Variants in CSPP1 observed in about 807,000 individuals in gnomAD.
The protein encoded by CSPP1 is centrosome and spindle pole-associated protein 1.
In CSPP1, 126 loss-of-function variants were observed where a neutral mutation model predicts 164.4. The observed-to-expected ratio is 0.77, with a 90% CI of 0.66 to 0.89. The LOEUF is 0.89. CSPP1 is among the 40% of genes least tolerant of loss of function. The probability of loss-of-function intolerance (pLI) is 0.00; values close to 1 mark genes in which losing one functional copy is unlikely to be tolerated. For synonymous variants in CSPP1, 472 were observed against 476.7 expected (o/e 0.99, Z 0.13); for missense variants, 1,395 against 1,449.8 (o/e 0.96, Z 0.61).
At chr8:67,159,951 TTCCTTC>T (rs1327809388) in intron 21 of CSPP1, among the ~76,000 whole-genome samples, 22 of 34,772 alleles carry the variant, frequency 6.3e-4, no homozygotes, top group Middle Eastern at 0.017. Flanking sequence ...CCTTCCTTCC[TTCCTTC>T]TTTCTTTTCT....
Position 67,113,875 on chromosome 8 carries a change from G to A in CSPP1, c.1245+13G>A, listed in dbSNP as rs749324257. On this transcript the variant is annotated intron_variant, in intron 11 of 30. Transcript: ENST00000678616. ...CCCTGAGAAATCGGTAAGGGTTTCTGGCATCTTTTAATGTTTAATCTTTCA... is the reference window on the plus strand; with the variant it reads ...CCCTGAGAAATCGGTAAGGGTTTCTAGCATCTTTTAATGTTTAATCTTTCA... The A allele has an allele frequency of 6.6e-7, 1 of 1,523,812 alleles. No homozygotes were observed. Among genetic ancestry groups the A allele is most frequent in the Non-Finnish European group, 9.0e-7 (1 of 1,105,582 alleles). 94.4% of individuals were successfully genotyped at this position (1,523,812 alleles called of 1,614,324 possible). A position where few individuals can be genotyped will look rare whatever the true frequency, so the allele number is the denominator to read the frequency against.
chr8:67,067,911 G>A (rs1028738359), intron 1 of CSPP1, among the ~76,000 whole-genome samples: 1 of 148,126 alleles, frequency 6.8e-6, no homozygotes, highest in African/African-American at 2.5e-5. Flanking sequence ...GTACAGTGGC[G>A]TGATCTGGGC....
intron 9 of CSPP1, among the ~76,000 whole-genome samples, chr8:67,110,329 C>T (rs921060114): frequency 2.0e-5 from 3 of 152,024 alleles, no homozygotes; most frequent in Non-Finnish European, 4.4e-5. Flanking sequence ...TAGCTAAGGA[C>T]CTCTAGAGTA....
rs188738363 is a variant in CSPP1 at position 67,179,807 on chromosome 8, T to G, written c.3157-56T>G. ...CTTGTGCCTCTTCTTAGTATAAATT[T>G]GTTGTTTTTGTACACAAAACTAATA... On this transcript the variant is annotated intron_variant, in intron 27 of 30. Coordinates refer to ENST00000678616, the MANE Select transcript of CSPP1 (RefSeq NM_001382391.1). The G allele has an allele frequency of 5.7e-3, 6,807 of 1,192,720 alleles. 29 individuals carry two copies. The highest frequency in any genetic ancestry group is 7.3e-3 in the Non-Finnish European group (5,892 of 804,980). The allele number at this position is 1,192,720 out of a possible 1,614,324, so 73.9% of individuals were successfully genotyped here.
At chr8:67,106,557 T>C (rs1234537547) in intron 9 of CSPP1, among the ~76,000 whole-genome samples, 1 of 152,214 alleles carries the variant, frequency 6.6e-6, no homozygotes, top group Non-Finnish European at 1.5e-5. Flanking sequence ...AGGTGTTTTG[T>C]TCAAATCGTG....
At chr8:67,109,957 G>A (rs899674129) in intron 9 of CSPP1, among the ~76,000 whole-genome samples, 2 of 151,984 alleles carry the variant, frequency 1.3e-5, no homozygotes, top group Non-Finnish European at 2.9e-5. Flanking sequence ...CTGTGGGTAC[G>A]TCTTTAGGCA....
In CSPP1 at chr8:67,095,358, G is replaced by T; in HGVS notation, c.549G>T (p.Gln183His). 1 of 1,606,850 alleles carries T rather than the reference G, an allele frequency of 6.2e-7. No homozygotes were observed. Among genetic ancestry groups the T allele is most frequent in the Admixed American group, 1.7e-5 (1 of 58,296 alleles). Residue 183 changes from glutamine to histidine, a missense_variant, in exon 7 of 31, where the codon CAG becomes CAT. Gln to His is a conservative substitution (Grantham distance 24). Coordinates refer to ENST00000678616, the MANE Select transcript of CSPP1 (RefSeq NM_001382391.1). ...QVKPDLTSQI[Q>H]TSCENSEGPR... Reference sequence around the variant, plus strand: ...AGCCTGATCTAACTTCACAAATACAGACATCTTGTGAAAATTCAGAGGGTC... The same window carrying T: ...AGCCTGATCTAACTTCACAAATACATACATCTTGTGAAAATTCAGAGGGTC...
chr8:67,186,015 A>T (rs1442784821), intron 28 of CSPP1, among the ~76,000 whole-genome samples: 1 of 152,238 alleles, frequency 6.6e-6, no homozygotes, highest in Non-Finnish European at 1.5e-5. Flanking sequence ...CCCAAAGTAG[A>T]AGCCAAGTTC....
At chr8:67,124,872 C>T (rs958538344) in intron 15 of CSPP1, among the ~76,000 whole-genome samples, 1 of 151,920 alleles carries the variant, frequency 6.6e-6, no homozygotes, top group Non-Finnish European at 1.5e-5. Flanking sequence ...TAGAGACAGG[C>T]GTCTCTCTGT....
At chr8:67,093,838 A>T (rs898404158) in intron 6 of CSPP1, among the ~76,000 whole-genome samples, 197 bp downstream of exon 6, 8 of 152,216 alleles carry the variant, frequency 5.3e-5, no homozygotes. Flanking sequence ...AGAACTTTTA[A>T]CATTTAATTG....
chr8:67,072,683 A>T (rs760591339), intron 1 of CSPP1, among the ~76,000 whole-genome samples: 5 of 152,020 alleles, frequency 3.3e-5, no homozygotes, highest in Admixed American at 1.3e-4. Flanking sequence ...ACGTAGTGAG[A>T]TCCTGTGTCT....
chr8:67,139,163 C>T (rs1038509664), intron 17 of CSPP1, among the ~76,000 whole-genome samples: 15 of 152,102 alleles, frequency 9.9e-5, no homozygotes, highest in African/African-American at 3.6e-4. Flanking sequence ...AAAAACAACC[C>T]CATCAAAAAG....
At chr8:67,104,992 T>TA (rs1815157910) in intron 8 of CSPP1, among the ~76,000 whole-genome samples, 2 of 128,108 alleles carry the variant, frequency 1.6e-5, no homozygotes, top group Non-Finnish European at 3.3e-5. Flanking sequence ...TTTTTTTTTT[T>TA]ACTGGGGTAG....
chr8:67,120,565 G>A (rs1241267532), intron 15 of CSPP1, among the ~76,000 whole-genome samples: 1 of 151,962 alleles, frequency 6.6e-6, no homozygotes, highest in Non-Finnish European at 1.5e-5. Flanking sequence ...TCATTGTATA[G>A]GTATAGGTCT....
At chr8:67,100,704 C>T (rs539199395) in intron 7 of CSPP1, among the ~76,000 whole-genome samples, 3 of 151,032 alleles carry the variant, frequency 2.0e-5, no homozygotes, top group African/African-American at 7.3e-5. Flanking sequence ...TTTAGCCTCC[C>T]AAGTAGCTGG....
chr8:67,192,800 A>T (rs1203390247), intron 29 of CSPP1, among the ~76,000 whole-genome samples: 2 of 151,400 alleles, frequency 1.3e-5, no homozygotes, highest in Non-Finnish European at 3.0e-5. Flanking sequence ...CTCCGTCCAT[A>T]AACGTAAGGA....
chr8:67,194,081 T>C lies in CSPP1; in HGVS notation c.3469+479T>C, dbSNP rs534048933. Reference sequence around the variant, plus strand: ...AAGCTAGTCGTCTCCTCATTATGAGTGCATTTTTGTGACTTGCAGGTTAAA... The same window carrying C: ...AAGCTAGTCGTCTCCTCATTATGAGCGCATTTTTGTGACTTGCAGGTTAAA... On this transcript the variant is annotated intron_variant, in intron 30 of 30. Transcript: ENST00000678616. 2.6e-5 allele frequency among the ~76,000 whole-genome samples: 4 copies of C among 152,258 alleles called. No individual in the cohort carries two copies. The East Asian group carries it at 7.7e-4, about 29-fold the overall frequency.
At position 67,115,921 on chromosome 8, in the gene CSPP1, G is replaced by A; in HGVS notation, c.1295G>A (p.Arg432Lys). 1.2e-6 allele frequency: 2 copies of A among 1,612,188 alleles called. No individual in the cohort carries two copies. The highest frequency in any genetic ancestry group is 1.7e-6 in the Non-Finnish European group (2 of 1,178,438). ...TTTTTTTCTTTATTTTAGCCTGATAGACTAAAGCAGTTTAGTGTGGCACCA... is the reference window on the plus strand; with the variant it reads ...TTTTTTTCTTTATTTTAGCCTGATAAACTAAAGCAGTTTAGTGTGGCACCA... ...SLQLSKEEPD[R>K]LKQFSVAPRH... Residue 432 changes from arginine (R) to lysine (K), a missense_variant, in exon 13 of 31, where the codon AGA (arginine) becomes AAA (lysine). Physicochemically the swap from Arg to Lys is conservative, Grantham distance 26 (BLOSUM62 2). Coordinates refer to ENST00000678616, the MANE Select transcript of CSPP1 (RefSeq NM_001382391.1).
chr8:67,184,742 A>C (rs964286928), intron 28 of CSPP1, among the ~76,000 whole-genome samples: 1 of 140,006 alleles, frequency 7.1e-6, no homozygotes, highest in Non-Finnish European at 1.5e-5. Flanking sequence ...ATAATAAAAA[A>C]ATATAATAAT....
Sources: allele counts gnomAD v4.1 joint callset (sites outside exome capture counted in the v4.1 genomes callset), GRCh38; gene constraint gnomAD v4.1.1; transcripts MANE v1.5; gene names NCBI Gene and HGNC (gene_info 2026-07-23, HGNC 2026-07-21).